AP4E1: variants seen among roughly 807,000 people sequenced by gnomAD.
The protein encoded by AP4E1 is AP-4 complex subunit epsilon-1.
AP4E1 carries 56 observed loss-of-function variants against 128.2 expected under a neutral mutation model. The observed-to-expected ratio is 0.44, with a 90% CI of 0.35 to 0.55. The LOEUF is 0.55. Among genes scored for constraint, AP4E1 ranks in the 20% least tolerant of loss-of-function variants. AP4E1 has a pLI of 0.00. For synonymous variants in AP4E1, 484 were observed against 473.1 expected (o/e 1.02, Z -0.30); for missense variants, 1,324 against 1,307.7 (o/e 1.01, Z -0.19).
At chr15:50,952,126 T>C (rs1325475556) in intron 13 of AP4E1, among the ~76,000 whole-genome samples, 1 of 152,214 alleles carries the variant, frequency 6.6e-6, no homozygotes, top group African/African-American at 2.4e-5. Context: ...CTGTTTAGAA[T>C]TGAATTGCAG....
chr15:50,997,278 G>A (rs1295026469), intron 17 of AP4E1, 48 bp from the exon 18 acceptor site: 3 of 1,465,692 alleles, frequency 2.0e-6, no homozygotes, highest in Non-Finnish European at 2.7e-6. Context: ...TAAAACTCAT[G>A]ACTAGTAGAA....
At chr15:50,941,103 G>C (rs1370694435) in intron 8 of AP4E1, among the ~76,000 whole-genome samples, 2 of 152,134 alleles carry the variant, frequency 1.3e-5, no homozygotes, top group Admixed American at 1.3e-4. Context: ...TGAACTCCTT[G>C]AGGGCAGGAT....
At chr15:50,921,762 C>T (rs544532451) in intron 3 of AP4E1, among the ~76,000 whole-genome samples, 1 of 152,302 alleles carries the variant, frequency 6.6e-6, no homozygotes, top group African/African-American at 2.4e-5. Flanking sequence ...ATACCTCATT[C>T]TTAGTTATAC....
intron 15 of AP4E1, among the ~76,000 whole-genome samples, chr15:50,974,681 G>A (rs113017145): frequency 6.6e-5 from 10 of 152,134 alleles, no homozygotes; most frequent in African/African-American, 2.2e-4. Context: ...TTCCTGACAC[G>A]TTATGTTTTC....
chr15:50,948,122 G>A lies in AP4E1; in HGVS notation c.1279G>A (p.Val427Ile), dbSNP rs774494463. The A allele has an allele frequency of 1.4e-5, 23 of 1,613,788 alleles. No homozygotes were observed. In the South Asian group the frequency reaches 1.6e-4, roughly 12 times the overall value. Reference protein sequence around the residue: ...LHQSKEEYVIVNLVGKIAELA... With the variant: ...LHQSKEEYVIINLVGKIAELA... ...TCAGAGCAAAGAAGAGTATGTCATCGTCAATTTGGTCGGCAAAATAGCAGA... is the reference window on the plus strand; with the variant it reads ...TCAGAGCAAAGAAGAGTATGTCATCATCAATTTGGTCGGCAAAATAGCAGA... Residue 427 changes from valine to isoleucine, a missense_variant, in exon 11 of 21, where the codon GTC becomes ATC. Transcript: ENST00000261842.
At position 50,949,919 on chromosome 15, in the gene AP4E1, T is replaced by C. The variant is rs748000063; in HGVS notation, c.1410T>C (p.Phe470=). The change falls in exon 12 of 21, where the codon TTT becomes TTC. Residue 470 remains phenylalanine, a synonymous_variant. Transcript: ENST00000261842. ...TGCATCCTGATATTCCCAATAACTT[T>C]CTGAGACTACTAGCGGAAGGTTGGT... The part of the protein sequence containing the change: ...DVMHPDIPNN[F]LRLLAEGFDD... 1 of 1,613,386 alleles carries C rather than the reference T, an allele frequency of 6.2e-7. No homozygotes were observed. Among genetic ancestry groups the C allele is most frequent in the Non-Finnish European group, 8.5e-7 (1 of 1,179,422 alleles).
chr15:50,970,552 G>A (rs1272277985), intron 15 of AP4E1, among the ~76,000 whole-genome samples: 3 of 152,120 alleles, frequency 2.0e-5, no homozygotes, highest in Non-Finnish European at 4.4e-5. Context: ...CTGGTGTTGG[G>A]TACATATATA....
At chr15:50,961,280 C>G (rs1321446233) in intron 14 of AP4E1, among the ~76,000 whole-genome samples, 1 of 151,744 alleles carries the variant, frequency 6.6e-6, no homozygotes, top group Non-Finnish European at 1.5e-5. Flanking sequence ...ACCCTGATAC[C>G]AAAACTAGAC....
At chr15:50,985,755 G>A (rs1295971232) in intron 16 of AP4E1, among the ~76,000 whole-genome samples, 1 of 152,146 alleles carries the variant, frequency 6.6e-6, no homozygotes, top group African/African-American at 2.4e-5. Context: ...GATGCCTCCA[G>A]CTTTGTTCTT....
chr15:50,935,893 T>C lies in AP4E1; in HGVS notation c.943+1196T>C, dbSNP rs1167037092. Among the ~76,000 whole-genome samples, 4 of 152,182 alleles carry C rather than the reference T, an allele frequency of 2.6e-5. No homozygotes were observed. In the East Asian group the frequency reaches 7.7e-4, roughly 29 times the overall value. On this transcript the variant is annotated intron_variant, in intron 8 of 20. Transcript: ENST00000261842. ...GGTAGTGAATTGGGGTGGTAAACTTTGAAGGATAGATTTTTGTTTTGCATG... is the reference window on the plus strand; with the variant it reads ...GGTAGTGAATTGGGGTGGTAAACTTCGAAGGATAGATTTTTGTTTTGCATG...
chr15:51,004,183 T>C lies in AP4E1; in HGVS notation c.*1521T>C, dbSNP rs1277507306. ...AGATTCATCCCCAGGCTCTCAGCAG[T>C]GTCATGATGAAATGAGTGTGCTGAC... On this transcript the variant is annotated 3_prime_UTR_variant, in exon 21 of 21. Coordinates refer to ENST00000261842, the MANE Select transcript of AP4E1 (RefSeq NM_007347.5). The C allele has an allele frequency of 6.6e-6, 1 of 152,232 alleles. No homozygotes were observed. The highest frequency in any genetic ancestry group is 1.5e-5 in the Non-Finnish European group (1 of 68,046). The allele number at this position is 152,232 out of a possible 1,614,324, so 9.4% of individuals were successfully genotyped here.
intron 1 of AP4E1, among the ~76,000 whole-genome samples, chr15:50,909,152 CTT>C (rs2063533586): frequency 6.6e-6 from 1 of 152,366 alleles, no homozygotes; most frequent in South Asian, 2.1e-4. Context: ...GACACTGACT[CTT>C]TGATCGGGGG....
chr15:50,972,680 T>C (rs2064496997), intron 15 of AP4E1, among the ~76,000 whole-genome samples: 1 of 152,236 alleles, frequency 6.6e-6, no homozygotes, highest in Non-Finnish European at 1.5e-5. Flanking sequence ...ACTTGGGTTC[T>C]GGCTTACTGA....
chr15:50,932,139 C>T (rs2063843727), intron 7 of AP4E1, among the ~76,000 whole-genome samples: 1 of 151,982 alleles, frequency 6.6e-6, no homozygotes, highest in Non-Finnish European at 1.5e-5. Flanking sequence ...ACCACCATGC[C>T]CGGCTAATTT....
chr15:50,965,340 AG>A (rs1221129303), intron 14 of AP4E1, among the ~76,000 whole-genome samples: 4 of 152,188 alleles, frequency 2.6e-5, no homozygotes, highest in Non-Finnish European at 4.4e-5. Context: ...AATGGTTGTC[AG>A]ATCCCTGGGC....
At chr15:50,919,651 G>T (rs2063672028) in intron 3 of AP4E1, among the ~76,000 whole-genome samples, 1 of 151,808 alleles carries the variant, frequency 6.6e-6, no homozygotes, top group Non-Finnish European at 1.5e-5. Flanking sequence ...ATATTAAAGG[G>T]GATCTCAGAG....
chr15:50,949,970 C>T (rs763517976), intron 12 of AP4E1, 32 bp downstream of exon 12: 20 of 1,595,740 alleles, frequency 1.3e-5, no homozygotes, highest in Non-Finnish European at 1.7e-5. Flanking sequence ...GTAAAGTAAA[C>T]ATTTTAAAGT....
intron 5 of AP4E1, 126 bp downstream of exon 5, chr15:50,925,345 A>G (rs1388175350): frequency 2.0e-6 from 2 of 1,002,014 alleles, no homozygotes; most frequent in Non-Finnish European, 1.5e-6. Flanking sequence ...GAATAATACA[A>G]AAATCTTCAA....
chr15:50,921,672 G>A (rs1446616668), intron 3 of AP4E1, among the ~76,000 whole-genome samples: 2 of 152,166 alleles, frequency 1.3e-5, no homozygotes, highest in East Asian at 1.9e-4. Context: ...GAAAAGTCAA[G>A]TAACTTATAG....
Sources: allele counts gnomAD v4.1 joint callset (sites outside exome capture counted in the v4.1 genomes callset), GRCh38; gene constraint gnomAD v4.1.1; transcripts MANE v1.5; gene names NCBI Gene and HGNC (gene_info 2026-07-23, HGNC 2026-07-21).